The following PRPH variants were observed in gnomAD, a reference collection of about 807,000 sequenced individuals.
PRPH encodes neurofilament 4 (57kD).
In PRPH, 48 loss-of-function variants were observed where a neutral mutation model predicts 52.6. The ratio of observed to expected loss-of-function variants is 0.91; its 90% CI spans 0.72 to 1.16. PRPH has a LOEUF of 1.16. PRPH is among the 50% of genes most tolerant of loss of function. PRPH has a pLI of 0.00. For missense variants in PRPH, 579 were observed against 635.7 expected (o/e 0.91, Z 0.96); for synonymous variants, 279 against 283.8 (o/e 0.98, Z 0.17).
Position 49,296,884 on chromosome 12 carries a change from C to G in PRPH, c.703-5C>G. On this transcript the variant is annotated splice_region_variant and splice_polypyrimidine_tract_variant and intron_variant, in intron 3 of 8. Transcript: ENST00000257860. This position sits in a 1 kb window ranked among gnomAD's most constrained non-coding sequence, Gnocchi z 5.1. ...TGTCCATCCTCTGCCTGCTCCCGGC[C>G]GTAGGAGCTGCGAGACCTGCAGGTG... 1 of 1,608,434 alleles carries G rather than the reference C, an allele frequency of 6.2e-7. No individual in the cohort carries two copies. Among genetic ancestry groups the G allele is most frequent in the Non-Finnish European group, 8.5e-7 (1 of 1,177,830 alleles).
intron 1 of PRPH, chr12:49,295,948 G>C: frequency 6.9e-7 from 1 of 1,448,070 alleles, no homozygotes; most frequent in Non-Finnish European, 9.1e-7. Flanking sequence ...AGTGTTTGGG[G>C]AGGTGGGAGA....
At position 49,296,303 on chromosome 12, in the gene PRPH, G is replaced by A. The variant is rs1304721812; in HGVS notation, c.606+65G>A. On this transcript the variant is annotated intron_variant, in intron 2 of 8. Transcript: ENST00000257860. The surrounding 1 kb of genome is among the most constrained non-coding windows in gnomAD (Gnocchi z 5.1). ...CTACCCCCGATCTCAGTATCCAGAGGTGGCATCGGTGGGCGCGGGGAGAAG... is the reference window on the plus strand; with the variant it reads ...CTACCCCCGATCTCAGTATCCAGAGATGGCATCGGTGGGCGCGGGGAGAAG... 2 of 1,592,526 alleles carry A rather than the reference G, an allele frequency of 1.3e-6. No individual in the cohort carries two copies. Among genetic ancestry groups the A allele is most frequent in the African/African-American group, 2.7e-5 (2 of 74,594 alleles).
rs1277300577 is a variant in PRPH, at chr12:49,295,314, C to T, written c.114C>T (p.Ser38=). ...GGGCCTTCTCCTACTCGTCCAGCTC[C>T]CGCTTCTCCAGCAGCCGCCTGCTGG... The part of the protein sequence containing the change: ...SPGAFSYSSS[S]RFSSSRLLGS... The change falls in exon 1 of 9, where the codon TCC becomes TCT. Residue 38 remains serine, a synonymous_variant. Coordinates refer to ENST00000257860, the MANE Select transcript of PRPH (RefSeq NM_006262.4). 6.2e-7 allele frequency: 1 copy of T among 1,611,522 alleles called. No individual in the cohort carries two copies. Among genetic ancestry groups the T allele is most frequent in the Non-Finnish European group, 8.5e-7 (1 of 1,179,574 alleles).
Position 49,297,659 on chromosome 12 carries a change from A to T in PRPH, c.1218-18A>T, listed in dbSNP as rs775166214. ...GCGGGGCCTGGGCAGGGGCGCTGAC[A>T]ACTTGCTTCGCCTCTAGGATCTCCG... On this transcript the variant is annotated intron_variant, in intron 6 of 8. Transcript: ENST00000257860. This position sits in a 1 kb window ranked among gnomAD's most constrained non-coding sequence, Gnocchi z 4.4. 6.2e-7 allele frequency: 1 copy of T among 1,613,466 alleles called. No individual in the cohort carries two copies. The highest frequency in any genetic ancestry group is 1.1e-5 in the South Asian group (1 of 91,082).
rs753260901 is a variant in PRPH at position 49,298,366 on chromosome 12, G to A, written c.*13G>A. ...CCACAGTTACTGAACCCCTTGGTCCGGAGCCTTGACTCTGCCCTAGGCCTG... is the reference window on the plus strand; with the variant it reads ...CCACAGTTACTGAACCCCTTGGTCCAGAGCCTTGACTCTGCCCTAGGCCTG... On this transcript the variant is annotated 3_prime_UTR_variant, in exon 9 of 9. Transcript: ENST00000257860. 37 of 1,614,070 alleles carry A rather than the reference G, an allele frequency of 2.3e-5. No homozygotes were observed. The highest frequency in any genetic ancestry group is 2.8e-5 in the Non-Finnish European group (33 of 1,180,004).
In PRPH at chr12:49,296,716, C is replaced by T; in HGVS notation, c.703-173C>T. On this transcript the variant is annotated intron_variant, in intron 3 of 8. Coordinates refer to ENST00000257860, the MANE Select transcript of PRPH (RefSeq NM_006262.4). This position sits in a 1 kb window ranked among gnomAD's most constrained non-coding sequence, Gnocchi z 5.1. Reference sequence around the variant, plus strand: ...CTGGCGGCGGGCAGCGGGGCTGTACCTCCGAAACCTGGCCTCTGGTCTCGC... The same window carrying T: ...CTGGCGGCGGGCAGCGGGGCTGTACTTCCGAAACCTGGCCTCTGGTCTCGC... 1.7e-6 allele frequency: 2 copies of T among 1,191,456 alleles called. No homozygotes were observed. Among genetic ancestry groups the T allele is most frequent in the South Asian group, 2.8e-5 (2 of 71,090 alleles). 73.8% of individuals were successfully genotyped at this position (1,191,456 alleles called of 1,614,324 possible).
At position 49,298,291 on chromosome 12, in the gene PRPH, G is replaced by T. The variant is rs141716253; in HGVS notation, c.1351G>T (p.Val451Leu). The T allele has an allele frequency of 2.5e-6, 4 of 1,614,176 alleles. No homozygotes were observed. The highest frequency in any genetic ancestry group is 3.4e-6 in the Non-Finnish European group (4 of 1,180,004). Residue 451 changes from valine to leucine, a missense_variant, in exon 9 of 9, where the codon GTG becomes TTG. Coordinates refer to ENST00000257860, the MANE Select transcript of PRPH (RefSeq NM_006262.4). ...TCATATGCCCTGTCCCCAGCAGGTG[G>T]TGACAGAGTCCCAGAAGGAGCAGCG... Reference protein sequence around the residue: ...KTIETRNGEVVTESQKEQRSE... With the variant: ...KTIETRNGEVLTESQKEQRSE...
chr12:49,297,495 T>C lies in PRPH; in HGVS notation c.1135T>C (p.Tyr379His). Reference sequence around the variant, plus strand: ...GGAGATGGCGCGGCACCTGAGGGAGTACCAGGAGCTCCTCAACGTCAAGAT... The same window carrying C: ...GGAGATGGCGCGGCACCTGAGGGAGCACCAGGAGCTCCTCAACGTCAAGAT... ...KEEMARHLRE[Y>H]QELLNVKMAL... The change falls in exon 6 of 9, where the codon TAC becomes CAC. Residue 379 changes from tyrosine (Y) to histidine (H), a missense_variant. By Grantham distance (83) the Tyr-to-His change is moderately conservative (BLOSUM62 2). Transcript: ENST00000257860. The surrounding 1 kb of genome is among the most constrained non-coding windows in gnomAD (Gnocchi z 4.4). 6.2e-7 allele frequency: 1 copy of C among 1,610,768 alleles called. No individual in the cohort carries two copies. Among genetic ancestry groups the C allele is most frequent in the Non-Finnish European group, 8.5e-7 (1 of 1,179,650 alleles).
chr12:49,296,934 C>G lies in PRPH; in HGVS notation c.748C>G (p.Gln250Glu). The change falls in exon 4 of 9, where the codon CAG becomes GAG. Residue 250 changes from glutamine to glutamate, a missense_variant. Coordinates refer to ENST00000257860, the MANE Select transcript of PRPH (RefSeq NM_006262.4). This position sits in a 1 kb window ranked among gnomAD's most constrained non-coding sequence, Gnocchi z 5.1. ...QVSVESQQVQ[Q>E]VEVEATVKPE... Reference sequence around the variant, plus strand: ...GAGTGTGGAGAGCCAGCAGGTGCAGCAGGTGGAGGTGGAAGCCACGGTGAA... The same window carrying G: ...GAGTGTGGAGAGCCAGCAGGTGCAGGAGGTGGAGGTGGAAGCCACGGTGAA... 2 of 1,613,420 alleles carry G rather than the reference C, an allele frequency of 1.2e-6. No individual in the cohort carries two copies. Among genetic ancestry groups the G allele is most frequent in the Non-Finnish European group, 1.7e-6 (2 of 1,179,908 alleles).
In PRPH at chr12:49,298,296, A is replaced by G. The variant is rs1943216832; in HGVS notation, c.1356A>G (p.Thr452=). 2 of 1,614,186 alleles carry G rather than the reference A, an allele frequency of 1.2e-6. No individual in the cohort carries two copies. The highest frequency in any genetic ancestry group is 2.2e-5 in the East Asian group (1 of 44,888). Reference sequence around the variant, plus strand: ...TGCCCTGTCCCCAGCAGGTGGTGACAGAGTCCCAGAAGGAGCAGCGCAGTG... The same window carrying G: ...TGCCCTGTCCCCAGCAGGTGGTGACGGAGTCCCAGAAGGAGCAGCGCAGTG... ...TIETRNGEVV[T]ESQKEQRSEL... The change falls in exon 9 of 9, where the codon ACA becomes ACG. Residue 452 remains threonine (T), a synonymous_variant. Transcript: ENST00000257860.
chr12:49,296,640 C>A lies in PRPH; in HGVS notation c.702+113C>A. On this transcript the variant is annotated intron_variant, in intron 3 of 8. Coordinates refer to ENST00000257860, the MANE Select transcript of PRPH (RefSeq NM_006262.4). This position sits in a 1 kb window ranked among gnomAD's most constrained non-coding sequence, Gnocchi z 5.1. Reference sequence around the variant, plus strand: ...GGATCAGGACGATGCTGGGTAGACGCAGCCCCTCCACCCTAGTCTACAGGT... The same window carrying A: ...GGATCAGGACGATGCTGGGTAGACGAAGCCCCTCCACCCTAGTCTACAGGT... The A allele has an allele frequency of 8.8e-7, 1 of 1,140,992 alleles. No homozygotes were observed. Among genetic ancestry groups the A allele is most frequent in the East Asian group, 2.5e-5 (1 of 39,722 alleles). The allele number at this position is 1,140,992 out of a possible 1,614,324, so 70.7% of individuals were successfully genotyped here.
In PRPH at chr12:49,297,423, C is replaced by T; in HGVS notation, c.1063C>T (p.Gln355Ter). 6.2e-7 allele frequency: 1 copy of T among 1,610,252 alleles called. No individual in the cohort carries two copies. Among genetic ancestry groups the T allele is most frequent in the African/African-American group, 1.3e-5 (1 of 74,998 alleles). The change falls in exon 6 of 9, where the codon CAG (glutamine) becomes TAG (stop). Residue 355 changes from glutamine to a stop codon, truncating the protein, a stop_gained. Transcript: ENST00000257860. LOFTEE classifies it high-confidence loss of function. This position sits in a 1 kb window ranked among gnomAD's most constrained non-coding sequence, Gnocchi z 4.4. ...GTTCGCCCTGGAGGCGGGGGGCTAC[C>T]AGGCGGGCGCTGCGCGGCTCGAGGA... ...EQFALEAGGY[Q>*]AGAARLEEEL... is the part of the protein sequence containing the mutation.
At position 49,297,351 on chromosome 12, in the gene PRPH, C is replaced by T. The variant is rs552035032; in HGVS notation, c.997-6C>T. On this transcript the variant is annotated splice_polypyrimidine_tract_variant and splice_region_variant and intron_variant, in intron 5 of 8. Transcript: ENST00000257860. This position sits in a 1 kb window ranked among gnomAD's most constrained non-coding sequence, Gnocchi z 4.4. ...GCAACTGGCCCCTTCCACTCTCCTA[C>T]CCCAGAACGAGGCGCTGCTCAGGCA... 1.2e-5 allele frequency: 19 copies of T among 1,613,708 alleles called. No homozygotes were observed. Among genetic ancestry groups the T allele is most frequent in the Non-Finnish European group, 1.4e-5 (17 of 1,179,984 alleles).
In PRPH at chr12:49,298,534, C is replaced by T; in HGVS notation, c.*181C>T. ...GTCGCTGGGCCTCTCCCTGCCCTGA[C>T]ACTTGATGTGACCTATGTGCTTCCC... On this transcript the variant is annotated 3_prime_UTR_variant, in exon 9 of 9. Coordinates refer to ENST00000257860, the MANE Select transcript of PRPH (RefSeq NM_006262.4). 1 of 642,016 alleles carries T rather than the reference C, an allele frequency of 1.6e-6. No homozygotes were observed. The highest frequency in any genetic ancestry group is 1.8e-5 in the South Asian group (1 of 56,046). The allele number at this position is 642,016 out of a possible 1,614,324, so 39.8% of individuals were successfully genotyped here. A position where few individuals can be genotyped will look rare whatever the true frequency, so the allele number is the denominator to read the frequency against.
Position 49,295,399 on chromosome 12 carries a change from G to C in PRPH, c.199G>C (p.Ala67Pro), listed in dbSNP as rs543217008. 136 of 1,605,832 alleles carry C rather than the reference G, an allele frequency of 8.5e-5. 3 individuals carry two copies. The South Asian group carries it at 1.4e-3, about 16-fold the overall frequency. ...CAGCTTCCGTAGCCCCCGAGCGGGA[G>C]CGGGCGCCCTCCTGCGCCTGCCCTC... ...LGSFRSPRAGAGALLRLPSER... is the reference protein window; with the variant it reads ...LGSFRSPRAGPGALLRLPSER... Residue 67 changes from alanine to proline, a missense_variant, in exon 1 of 9, where the codon GCG (alanine) becomes CCG (proline). Transcript: ENST00000257860.
At position 49,296,182 on chromosome 12, in the gene PRPH, G is replaced by T; in HGVS notation, c.550G>T (p.Glu184Ter). ...EDLAALKQRL[E>*]EETRKREDAE... ...TCTGCACGCTCTTCCCGTCAGGTTG[G>T]AGGAGGAGACGCGCAAGCGGGAGGA... The change falls in exon 2 of 9, where the codon GAG (glutamate) becomes TAG (stop). Residue 184 changes from glutamate to a stop codon, truncating the protein, a stop_gained. Coordinates refer to ENST00000257860, the MANE Select transcript of PRPH (RefSeq NM_006262.4). LOFTEE classifies it high-confidence loss of function. The surrounding 1 kb of genome is among the most constrained non-coding windows in gnomAD (Gnocchi z 5.1). The T allele has an allele frequency of 6.2e-7, 1 of 1,612,260 alleles. No individual in the cohort carries two copies. Among genetic ancestry groups the T allele is most frequent in the South Asian group, 1.1e-5 (1 of 90,962 alleles).
chr12:49,295,301 A>G lies in PRPH; in HGVS notation c.101A>G (p.Tyr34Cys). The G allele has an allele frequency of 6.2e-7, 1 of 1,610,276 alleles. No homozygotes were observed. Among genetic ancestry groups the G allele is most frequent in the Non-Finnish European group, 8.5e-7 (1 of 1,179,228 alleles). ...PPSLSPGAFS[Y>C]SSSSRFSSSR... The stretch of plus-strand genomic sequence containing the variant: ...TCACTATCCCCCGGGGCCTTCTCCT[A>G]CTCGTCCAGCTCCCGCTTCTCCAGC... The change falls in exon 1 of 9, where the codon TAC (tyrosine) becomes TGC (cysteine). Residue 34 changes from tyrosine to cysteine, a missense_variant. Coordinates refer to ENST00000257860, the MANE Select transcript of PRPH (RefSeq NM_006262.4).
Position 49,296,545 on chromosome 12 carries a change from C to T in PRPH, c.702+18C>T. ...ACGAGGAGGTAAGTGGGCCCGGTATCAGGGGCGGTTTCTGAGGTTGTGGGG... is the reference window on the plus strand; with the variant it reads ...ACGAGGAGGTAAGTGGGCCCGGTATTAGGGGCGGTTTCTGAGGTTGTGGGG... On this transcript the variant is annotated intron_variant, in intron 3 of 8. Coordinates refer to ENST00000257860, the MANE Select transcript of PRPH (RefSeq NM_006262.4). This position sits in a 1 kb window ranked among gnomAD's most constrained non-coding sequence, Gnocchi z 5.1. The T allele has an allele frequency of 3.7e-6, 6 of 1,611,474 alleles. No homozygotes were observed. The highest frequency in any genetic ancestry group is 5.1e-6 in the Non-Finnish European group (6 of 1,177,970).
Position 49,295,230 on chromosome 12 carries a change from C to T in PRPH, c.30C>T (p.Ala10=). The T allele has an allele frequency of 6.2e-7, 1 of 1,611,686 alleles. No individual in the cohort carries two copies. Among genetic ancestry groups the T allele is most frequent in the Non-Finnish European group, 8.5e-7 (1 of 1,179,584 alleles). The change falls in exon 1 of 9, where the codon GCC becomes GCT. Residue 10 remains alanine, a synonymous_variant. Transcript: ENST00000257860. ...GCCACCACCCGTCGGGCCTCCGGGC[C>T]GGCTTCAGCTCCACCTCATACCGCC... MSHHPSGLR[A]GFSSTSYRRT... is the part of the protein sequence containing the mutation.
Sources: gnomAD v4.1 joint callset for allele counts on GRCh38, gnomAD v4.1.1 for gene constraint, Gnocchi (gnomAD v3.1) non-coding constraint, MANE v1.5 for transcripts, NCBI Gene and HGNC (gene_info 2026-07-23, HGNC 2026-07-21) for gene names.